Variants in MYLIP observed in about 807,000 individuals in gnomAD.
The protein encoded by MYLIP is E3 ubiquitin-protein ligase MYLIP.
MYLIP carries 26 observed loss-of-function variants against 45.8 expected under a neutral mutation model. The ratio of observed to expected loss-of-function variants is 0.57; its 90% CI spans 0.42 to 0.79. MYLIP has a LOEUF of 0.79. Ranked by LOEUF, MYLIP falls within the 30% of genes least tolerant of loss-of-function variation. MYLIP has a pLI of 0.00. For missense variants in MYLIP, 494 were observed against 555.6 expected (o/e 0.89, Z 1.11); for synonymous variants, 213 against 218.1 (o/e 0.98, Z 0.21).
downstream of MYLIP, among the ~76,000 whole-genome samples, chr6:16,151,615 T>C (rs569533436): frequency 1.3e-5 from 2 of 152,334 alleles, no homozygotes; most frequent in East Asian, 3.9e-4. Context: ...TGTCTTCTCA[T>C]AGAAATTCCA....
chr6:16,161,670 T>C, the MYLIP span, among the ~76,000 whole-genome samples: 1 of 152,246 alleles, frequency 6.6e-6, no homozygotes, highest in Non-Finnish European at 1.5e-5. Flanking sequence ...GAGAAAATAT[T>C]TCTTAAATAC....
At chr6:16,137,735 G>A (rs1026714417) in intron 2 of MYLIP, among the ~76,000 whole-genome samples, 1 of 152,110 alleles carries the variant, frequency 6.6e-6, no homozygotes, top group Non-Finnish European at 1.5e-5. Context: ...ACTCTTAAAA[G>A]ATAAATGATC....
chr6:16,130,699 G>A lies in MYLIP; in HGVS notation c.230G>A (p.Arg77Lys). ...DGLAPYRLKLRVKFFVEPHLI... is the reference protein window; with the variant it reads ...DGLAPYRLKLKVKFFVEPHLI... ...CTAGCCCCTTACAGGCTTAAACTTA[G>A]AGTCAAGTTCTTCGTGGAGCCTCAT... Residue 77 changes from arginine to lysine, a missense_variant, in exon 2 of 7, where the codon AGA becomes AAA. By Grantham distance (26) the Arg-to-Lys change is conservative. Transcript: ENST00000356840. 2 of 1,614,156 alleles carry A rather than the reference G, an allele frequency of 1.2e-6. No homozygotes were observed. Among genetic ancestry groups the A allele is most frequent in the South Asian group, 2.2e-5 (2 of 91,092 alleles).
chr6:16,150,435 G>A (rs1176037876), downstream of MYLIP, among the ~76,000 whole-genome samples: 1 of 152,130 alleles, frequency 6.6e-6, no homozygotes, highest in Non-Finnish European at 1.5e-5. Flanking sequence ...ATGCGGAAGT[G>A]GTCAGTCAAG....
chr6:16,142,503 T>C (rs1056607332), intron 3 of MYLIP, among the ~76,000 whole-genome samples: 2 of 152,226 alleles, frequency 1.3e-5, no homozygotes, highest in Admixed American at 6.5e-5. Context: ...CTCACAGTTC[T>C]GTAGGTCAGG....
intron 2 of MYLIP, among the ~76,000 whole-genome samples, chr6:16,140,791 T>A (rs1200806248): frequency 6.6e-6 from 1 of 152,218 alleles, no homozygotes; most frequent in African/African-American, 2.4e-5. Context: ...GTTAACAACG[T>A]GCTCCCTTGG....
At position 16,147,381 on chromosome 6, in the gene MYLIP, A is replaced by T. The variant is rs558807326; in HGVS notation, c.*630A>T. 6.5e-6 allele frequency: 1 copy of T among 153,088 alleles called. No homozygotes were observed. Among genetic ancestry groups the T allele is most frequent in the Non-Finnish European group, 1.5e-5 (1 of 68,286 alleles). The allele number at this position is 153,088 out of a possible 1,614,324, so 9.5% of individuals were successfully genotyped here. A position where few individuals can be genotyped will look rare whatever the true frequency, so the allele number is the denominator to read the frequency against. On this transcript the variant is annotated 3_prime_UTR_variant, in exon 7 of 7. Coordinates refer to ENST00000356840, the MANE Select transcript of MYLIP (RefSeq NM_013262.4). ...GTGGCTAGTAAAAAGCAGCTCACTCAATGTGGGTGGCTCCCTATTCCTTTA... is the reference window on the plus strand; with the variant it reads ...GTGGCTAGTAAAAAGCAGCTCACTCTATGTGGGTGGCTCCCTATTCCTTTA...
At chr6:16,151,971 A>T (rs972352965), downstream of MYLIP, among the ~76,000 whole-genome samples, 2 of 152,242 alleles carry the variant, frequency 1.3e-5, no homozygotes, top group Non-Finnish European at 2.9e-5. Context: ...CACATAATGA[A>T]TATGTAGATA....
downstream of MYLIP, among the ~76,000 whole-genome samples, chr6:16,150,090 A>C (rs1222086836): frequency 6.6e-6 from 1 of 152,176 alleles, no homozygotes; most frequent in Non-Finnish European, 1.5e-5. Flanking sequence ...CATCCATAGG[A>C]GTGTGAAAGG....
At position 16,133,684 on chromosome 6, in the gene MYLIP, A is replaced by G. The variant is rs147902122; in HGVS notation, c.278+2937A>G. ...TTTGTCAACATTTCCAAAACCAGAG[A>G]TTAGAGAAGTATATGCTTCATCTTC... On this transcript the variant is annotated intron_variant, in intron 2 of 6. Coordinates refer to ENST00000356840, the MANE Select transcript of MYLIP (RefSeq NM_013262.4). 2.3e-3 allele frequency among the ~76,000 whole-genome samples: 351 copies of G among 152,320 alleles called. 1 individual carries two copies. Among genetic ancestry groups the G allele is most frequent in the African/African-American group, 8.0e-3 (334 of 41,568 alleles).
chr6:16,158,068 G>C, the MYLIP span, among the ~76,000 whole-genome samples: 1 of 152,212 alleles, frequency 6.6e-6, no homozygotes, highest in Non-Finnish European at 1.5e-5. Context: ...TTTGACATGT[G>C]CTCTGGAGGA....
At chr6:16,136,116 A>G (rs1759551701) in intron 2 of MYLIP, among the ~76,000 whole-genome samples, 1 of 152,144 alleles carries the variant, frequency 6.6e-6, no homozygotes, top group Admixed American at 6.5e-5. Context: ...TAATTATACC[A>G]TTTAATGATT....
chr6:16,161,359 CCTG>C, the MYLIP span: 1 of 246,898 alleles, frequency 4.1e-6, no homozygotes. Flanking sequence ...TGTGCCTTCT[CCTG>C]CTGCTGCCTC....
chr6:16,155,114 G>T, the MYLIP span, among the ~76,000 whole-genome samples: 3 of 152,212 alleles, frequency 2.0e-5, no homozygotes, highest in South Asian at 6.2e-4. Flanking sequence ...TCTAGGGAAA[G>T]AACAAGAGCT....
At chr6:16,148,695 C>T (rs1401664265), downstream of MYLIP, among the ~76,000 whole-genome samples, 4 of 152,118 alleles carry the variant, frequency 2.6e-5, no homozygotes, top group Admixed American at 2.0e-4. Context: ...GGTGTGTGGC[C>T]TGCTCAAGAC....
intron 2 of MYLIP, among the ~76,000 whole-genome samples, chr6:16,135,072 C>T (rs1385142949): frequency 6.6e-6 from 1 of 152,136 alleles, no homozygotes; most frequent in Non-Finnish European, 1.5e-5. Flanking sequence ...GGCCTGTTCC[C>T]AGCCCTCTTC....
chr6:16,137,305 G>C (rs1473009751), intron 2 of MYLIP, among the ~76,000 whole-genome samples: 1 of 152,196 alleles, frequency 6.6e-6, no homozygotes, highest in African/African-American at 2.4e-5. Flanking sequence ...CTGTGGTTAA[G>C]TGACTCATTG....
At chr6:16,157,989 A>G in the MYLIP span, among the ~76,000 whole-genome samples, 1 of 152,238 alleles carries the variant, frequency 6.6e-6, no homozygotes. Context: ...TTGGGCCAAA[A>G]GTCATGCTCC....
In MYLIP at chr6:16,145,283, C is replaced by T. The variant is rs750505428; in HGVS notation, c.1214C>T (p.Thr405Ile). Residue 405 changes from threonine to isoleucine, a missense_variant, in exon 6 of 7, where the codon ACT (threonine) becomes ATT (isoleucine). Physicochemically the swap from Thr to Ile is moderately conservative, Grantham distance 89 (BLOSUM62 -1). Transcript: ENST00000356840. ...TCCACCTTCTGTCCCTGTGGCCACA[C>T]TGTGTGCTGTGAGAGCTGCGCCGCC... is the stretch of plus-strand genomic sequence containing the variant. ...INSTFCPCGH[T>I]VCCESCAAQL... 5.0e-6 allele frequency: 8 copies of T among 1,604,252 alleles called. No homozygotes were observed. The highest frequency in any genetic ancestry group is 1.7e-5 in the Admixed American group (1 of 59,696).
Sources: gnomAD v4.1 joint callset for allele counts (sites outside exome capture counted in the v4.1 genomes callset) on GRCh38, gnomAD v4.1.1 for gene constraint, MANE v1.5 for transcripts, NCBI Gene and HGNC (gene_info 2026-07-23, HGNC 2026-07-21) for gene names.